Variants in CDC42BPA observed in about 807,000 individuals in gnomAD.
The protein encoded by CDC42BPA is serine/threonine-protein kinase MRCK alpha.
CDC42BPA carries 80 observed loss-of-function variants against 223.5 expected under a neutral mutation model. That is an observed-to-expected ratio of 0.36 (90% CI 0.30 to 0.43). CDC42BPA has a LOEUF of 0.43. Among genes scored for constraint, CDC42BPA ranks in the 20% least tolerant of loss-of-function variants. CDC42BPA has a pLI of 1.00. For missense variants in CDC42BPA, 1,743 were observed against 2,099.9 expected (o/e 0.83, Z 3.32); for synonymous variants, 694 against 718.6 (o/e 0.97, Z 0.55).
At chr1:227,129,051 A>C (rs1480176063) in intron 11 of CDC42BPA, 58 bp downstream of exon 11, 36 of 1,190,144 alleles carry the variant, frequency 3.0e-5, no homozygotes, top group Non-Finnish European at 4.3e-5. Context: ...TTTTGTGTGA[A>C]TAAACCATTT....
intron 10 of CDC42BPA, among the ~76,000 whole-genome samples, chr1:227,130,471 GTATT>G (rs142462450): frequency 0.06 from 9,088 of 151,878 alleles, 274 homozygotes; most frequent in Non-Finnish European, 0.073. Context: ...GGTCCTTTCC[GTATT>G]TATTATTTTG....
At chr1:227,237,086 T>C (rs1219632392) in intron 2 of CDC42BPA, among the ~76,000 whole-genome samples, 1 of 151,708 alleles carries the variant, frequency 6.6e-6, no homozygotes. Context: ...ATGTATTCTT[T>C]CCTATGTTGC....
intron 2 of CDC42BPA, among the ~76,000 whole-genome samples, chr1:227,249,428 C>T (rs1235831715): frequency 3.3e-5 from 5 of 151,992 alleles, no homozygotes; most frequent in Admixed American, 6.6e-5. Flanking sequence ...TAAGATGACA[C>T]GAAATTAAAA....
At chr1:227,100,453 T>C (rs1240845762) in intron 15 of CDC42BPA, among the ~76,000 whole-genome samples, 1 of 152,216 alleles carries the variant, frequency 6.6e-6, no homozygotes, top group Non-Finnish European at 1.5e-5. Context: ...CATCTATTTA[T>C]GTTTCAGTCA....
chr1:227,270,149 G>A (rs1209079390), intron 1 of CDC42BPA, among the ~76,000 whole-genome samples: 1 of 152,032 alleles, frequency 6.6e-6, no homozygotes, highest in Admixed American at 6.6e-5. Flanking sequence ...TGAATTAATA[G>A]AAACATCTCT....
intron 11 of CDC42BPA, among the ~76,000 whole-genome samples, chr1:227,126,434 T>C (rs1689607312): frequency 6.8e-6 from 1 of 146,776 alleles, no homozygotes; most frequent in Non-Finnish European, 1.5e-5. Flanking sequence ...AGCCACCAGC[T>C]ACGTTGACAG....
At chr1:227,212,867 T>C (rs1002282794) in intron 3 of CDC42BPA, among the ~76,000 whole-genome samples, 1 of 152,172 alleles carries the variant, frequency 6.6e-6, no homozygotes, top group Admixed American at 6.6e-5. Context: ...TAGAAGAAAG[T>C]AGTTTGCAGA....
intron 23 of CDC42BPA, among the ~76,000 whole-genome samples, chr1:227,047,193 C>A: frequency 6.6e-6 from 1 of 152,110 alleles, no homozygotes; most frequent in East Asian, 1.9e-4. Flanking sequence ...CAAGTATTCC[C>A]AATTTATTTT....
intron 14 of CDC42BPA, among the ~76,000 whole-genome samples, chr1:227,103,261 A>C (rs1685352118): frequency 6.6e-6 from 1 of 152,130 alleles, no homozygotes; most frequent in Non-Finnish European, 1.5e-5. Flanking sequence ...AATGTGTTAG[A>C]ATTGATAGTT....
intron 1 of CDC42BPA, among the ~76,000 whole-genome samples, chr1:227,261,939 A>G (rs1684158605): frequency 6.6e-6 from 1 of 152,218 alleles, no homozygotes; most frequent in Non-Finnish European, 1.5e-5. Flanking sequence ...ATCCTCTGCC[A>G]AGAAATTAAT....
chr1:227,001,909 AAAAAACAAAAAC>A (rs1422939764), intron 35 of CDC42BPA, among the ~76,000 whole-genome samples: 24 of 152,122 alleles, frequency 1.6e-4, no homozygotes, highest in Non-Finnish European at 2.1e-4. Flanking sequence ...TCTGTCTCAA[AAAAAACAAAAAC>A]AAAAAACAAA....
rs185446625 is a variant in CDC42BPA at position 227,103,723 on chromosome 1, A to G, written c.2002-2484T>C. On this transcript the variant is annotated intron_variant, in intron 14 of 36. Coordinates refer to ENST00000366766, the MANE Select transcript of CDC42BPA (RefSeq NM_001394014.1). Reference sequence around the variant, plus strand: ...ACATCTTCAGTCATTGGGTAAGGCAATGATTAATAAATGAAATTGGAATCA... The same window carrying G: ...ACATCTTCAGTCATTGGGTAAGGCAGTGATTAATAAATGAAATTGGAATCA... Among the ~76,000 whole-genome samples the G allele has an allele frequency of 1.9e-4, 29 of 152,268 alleles. No individual in the cohort carries two copies. The East Asian group carries it at 5.4e-3, about 28-fold the overall frequency.
intron 5 of CDC42BPA, among the ~76,000 whole-genome samples, chr1:227,177,768 A>G (rs1667219510): frequency 6.6e-6 from 1 of 152,042 alleles, no homozygotes; most frequent in South Asian, 2.1e-4. Context: ...TATTCTCTCT[A>G]CCTGGAACTC....
chr1:226,995,461 A>G lies in CDC42BPA; in HGVS notation c.4976-481T>C, dbSNP rs535616971. ...ACAGAACATGGCACACGGCAGGCTC[A>G]AAACAGATGCGCTAAATGAGGAAGC... On this transcript the variant is annotated intron_variant, in intron 35 of 36. Coordinates refer to ENST00000366766, the MANE Select transcript of CDC42BPA (RefSeq NM_001394014.1). Among the ~76,000 whole-genome samples the G allele has an allele frequency of 7.9e-4, 121 of 152,288 alleles. 1 individual carries two copies. The highest frequency in any genetic ancestry group is 1.1e-3 in the Non-Finnish European group (76 of 68,020).
rs753389548 is a variant in CDC42BPA at position 227,137,387 on chromosome 1, C to T, written c.1390+2189G>A. On this transcript the variant is annotated intron_variant, in intron 10 of 36. Transcript: ENST00000366766. The stretch of plus-strand genomic sequence containing the variant: ...ATAAGTTCTGGTGAGGAGTTGAAGA[C>T]AGTAGAACTCATACATTATTAGTAG... Among the ~76,000 whole-genome samples, 11 of 152,166 alleles carry T rather than the reference C, an allele frequency of 7.2e-5. No individual in the cohort carries two copies. In the Middle Eastern group the frequency reaches 0.01, roughly 141 times the overall value.
intron 9 of CDC42BPA, among the ~76,000 whole-genome samples, chr1:227,140,785 T>A (rs1300899584): frequency 6.6e-6 from 1 of 152,114 alleles, no homozygotes; most frequent in African/African-American, 2.4e-5. Context: ...ATTTACATAG[T>A]AAGTGGGTGG....
chr1:227,270,880 A>G (rs979651488), intron 1 of CDC42BPA, among the ~76,000 whole-genome samples: 1 of 152,208 alleles, frequency 6.6e-6, no homozygotes, highest in Non-Finnish European at 1.5e-5. Context: ...TTCAAGGTTC[A>G]GTGATGTTGC....
intron 6 of CDC42BPA, among the ~76,000 whole-genome samples, chr1:227,159,404 T>C (rs887063695): frequency 1.3e-5 from 2 of 152,128 alleles, no homozygotes; most frequent in African/African-American, 4.8e-5. Context: ...AAGAATCACT[T>C]GAACTCAGGA....
At chr1:227,236,724 C>T (rs756860608) in intron 2 of CDC42BPA, among the ~76,000 whole-genome samples, 5 of 151,974 alleles carry the variant, frequency 3.3e-5, no homozygotes, top group Non-Finnish European at 4.4e-5. Context: ...CGATCACAAC[C>T]CCCACCTTTC....
Sources: gnomAD v4.1 joint callset for allele counts (sites outside exome capture counted in the v4.1 genomes callset) on GRCh38, gnomAD v4.1.1 for gene constraint, MANE v1.5 for transcripts, NCBI Gene and HGNC (gene_info 2026-07-23, HGNC 2026-07-21) for gene names.